Variants in BCAS3 observed in about 807,000 individuals in gnomAD.
BCAS3 encodes BCAS4/BCAS3 fusion.
In BCAS3, 53 loss-of-function variants were observed where a neutral mutation model predicts 116.1. The ratio of observed to expected loss-of-function variants is 0.46; its 90% CI spans 0.37 to 0.57. BCAS3 has a LOEUF of 0.57. Among genes scored for constraint, BCAS3 ranks in the 20% least tolerant of loss-of-function variants. The pLI is 0.00. For synonymous variants in BCAS3, 391 were observed against 408.2 expected, an observed-to-expected ratio of 0.96 and a Z score of 0.51; for missense variants, 917 against 1,165.4, an observed-to-expected ratio of 0.79 and a Z score of 3.10.
At chr17:61,260,277 A>G (rs2049089230) in intron 22 of BCAS3, among the ~76,000 whole-genome samples, 1 of 152,146 alleles carries the variant, frequency 6.6e-6, no homozygotes, top group African/African-American at 2.4e-5. Context: ...CCAATATGAA[A>G]ACAGTGGAGT....
Position 61,067,273 on chromosome 17 carries a change from GTATATATATATATATA to G in BCAS3, c.2030-7619_2030-7604del, listed in dbSNP as rs1199603635. On this transcript the variant is annotated intron_variant, in intron 19 of 23. Transcript: ENST00000407086. ...CATAACTTTATTTATGTGTGTATGT[GTATATATATATATATA>G]TATATATATATATATATATATATAT... Among the ~76,000 whole-genome samples, 44 of 58,804 alleles carry G rather than the reference GTATATATATATATATA, an allele frequency of 7.5e-4. 2 individuals carry two copies. The highest frequency in any genetic ancestry group is 2.1e-3 in the East Asian group (4 of 1,944). The allele number at this position is 58,804 out of a possible 152,430, so 38.6% of individuals were successfully genotyped here.
At chr17:61,375,246 G>GTGTGTGCGTGCGCGCACA (rs1555861730) in intron 23 of BCAS3, among the ~76,000 whole-genome samples, 2 of 150,666 alleles carry the variant, frequency 1.3e-5, no homozygotes, top group African/African-American at 5.0e-5. Flanking sequence ...GTGTGTGTGT[G>GTGTGTGCGTGCGCGCACA]TGTGTGTGTA....
intron 19 of BCAS3, among the ~76,000 whole-genome samples, chr17:61,071,418 T>C (rs900844029): frequency 4.6e-5 from 7 of 152,214 alleles, no homozygotes. Context: ...GTGAGTCTAC[T>C]CCTGTATAAT....
rs757247192 is a variant in BCAS3, at chr17:61,265,600, G to A, written c.2426-102727G>A. On this transcript the variant is annotated intron_variant, in intron 22 of 23. Transcript: ENST00000407086. This position sits in a 1 kb window ranked among gnomAD's most constrained non-coding sequence, Gnocchi z 4.3. ...TGGCTACAATTCATGTTGACTTTAC[G>A]TAAGGATTGCCAATTCATGCCCAAA... 6.6e-6 allele frequency among the ~76,000 whole-genome samples: 1 copy of A among 152,096 alleles called. No individual in the cohort carries two copies. Among genetic ancestry groups the A allele is most frequent in the East Asian group, 1.9e-4 (1 of 5,198 alleles).
chr17:60,778,937 T>G (rs1476404024), intron 6 of BCAS3, among the ~76,000 whole-genome samples: 2 of 152,222 alleles, frequency 1.3e-5, no homozygotes, highest in Non-Finnish European at 1.5e-5. Flanking sequence ...TAAAATTTCC[T>G]TGTGTCTGAA....
chr17:60,941,835 G>C (rs1001875943), intron 13 of BCAS3, among the ~76,000 whole-genome samples: 2 of 152,122 alleles, frequency 1.3e-5, no homozygotes, highest in Non-Finnish European at 2.9e-5. Context: ...TGGCAAATGA[G>C]GACCTTTATT....
At chr17:60,716,078 G>A (rs1370118089) in intron 5 of BCAS3, among the ~76,000 whole-genome samples, 2 of 151,078 alleles carry the variant, frequency 1.3e-5, no homozygotes, top group African/African-American at 2.4e-5. Context: ...GGTCAAGCTG[G>A]TCTCGAGCTC....
chr17:60,711,023 G>A (rs945630698), intron 5 of BCAS3, among the ~76,000 whole-genome samples: 23 of 151,396 alleles, frequency 1.5e-4, no homozygotes, highest in African/African-American at 5.3e-4. Context: ...GGCTGGTCTC[G>A]AACTCCTGGG....
intron 6 of BCAS3, among the ~76,000 whole-genome samples, chr17:60,777,335 C>T (rs2045397701): frequency 6.6e-6 from 1 of 152,010 alleles, no homozygotes; most frequent in Non-Finnish European, 1.5e-5. Context: ...ACAACAAACT[C>T]AAAACTTGGC....
At chr17:60,903,788 T>G (rs2058045979) in intron 11 of BCAS3, among the ~76,000 whole-genome samples, 1 of 152,170 alleles carries the variant, frequency 6.6e-6, no homozygotes, top group African/African-American at 2.4e-5. Flanking sequence ...ATAGAAAAAT[T>G]ATGATGGTTA....
At chr17:61,221,584 AGG>A (rs2082113787) in intron 22 of BCAS3, among the ~76,000 whole-genome samples, 1 of 152,196 alleles carries the variant, frequency 6.6e-6, no homozygotes, top group Non-Finnish European at 1.5e-5. Context: ...ATCCTTGGGA[AGG>A]CCCAAGTCTG....
At chr17:60,780,922 G>A (rs77788144) in intron 6 of BCAS3, among the ~76,000 whole-genome samples, 1,549 of 152,076 alleles carry the variant, frequency 0.01, 31 homozygotes, top group African/African-American at 0.036. Context: ...AAATTTTGAC[G>A]CTTTAAAGTA....
chr17:60,864,502 G>T (rs1044377259), intron 7 of BCAS3, among the ~76,000 whole-genome samples: 13 of 152,204 alleles, frequency 8.5e-5, no homozygotes, highest in Non-Finnish European at 1.9e-4. Context: ...CACTACAATG[G>T]GTAGTATTAG....
intron 6 of BCAS3, among the ~76,000 whole-genome samples, chr17:60,782,419 GAT>G (rs2045914451): frequency 6.6e-6 from 1 of 151,980 alleles, no homozygotes; most frequent in African/African-American, 2.4e-5. Flanking sequence ...TCAGAATGTA[GAT>G]TACAAACCAA....
chr17:61,321,483 G>C (rs764642073), intron 22 of BCAS3, among the ~76,000 whole-genome samples: 1 of 152,188 alleles, frequency 6.6e-6, no homozygotes, highest in Non-Finnish European at 1.5e-5. Context: ...ATGGTGAGTG[G>C]CTGATGACCT....
chr17:60,916,082 C>A (rs1448125696), intron 12 of BCAS3, among the ~76,000 whole-genome samples: 1 of 152,112 alleles, frequency 6.6e-6, no homozygotes, highest in African/African-American at 2.4e-5. Context: ...CTGTTTCTAG[C>A]ATTTTTCTAT....
rs1322761607 is a variant in BCAS3 at position 60,810,829 on chromosome 17, A to G, written c.476+2753A>G. 5 of 693,800 alleles carry G rather than the reference A, an allele frequency of 7.2e-6. No homozygotes were observed. The Admixed American group carries it at 9.0e-5, about 12-fold the overall frequency. 43.0% of individuals were successfully genotyped at this position (693,800 alleles called of 1,614,324 possible). A position where few individuals can be genotyped will look rare whatever the true frequency, so the allele number is the denominator to read the frequency against. ...GAAGAAAAACCTCGAAGAGGAAGTA[A>G]AAGTCCTACAAGCCCAGACTGCCAG... is the stretch of plus-strand genomic sequence containing the variant. On this transcript the variant is annotated intron_variant, in intron 7 of 23. Coordinates refer to ENST00000407086, the MANE Select transcript of BCAS3 (RefSeq NM_017679.5).
intron 20 of BCAS3, among the ~76,000 whole-genome samples, chr17:61,078,056 T>C (rs775658200): frequency 1.3e-5 from 2 of 152,200 alleles, no homozygotes; most frequent in Non-Finnish European, 2.9e-5. Flanking sequence ...GATTTTTGTC[T>C]TGTATATGTG....
chr17:61,299,088 G>C (rs1032995732), intron 22 of BCAS3, among the ~76,000 whole-genome samples: 1 of 151,850 alleles, frequency 6.6e-6, no homozygotes, highest in Non-Finnish European at 1.5e-5. Context: ...CTCCCAAAGT[G>C]CTGGGATTAC....
Sources: allele counts gnomAD v4.1 joint callset (sites outside exome capture counted in the v4.1 genomes callset), GRCh38; gene constraint gnomAD v4.1.1; non-coding constraint Gnocchi (gnomAD v3.1); transcripts MANE v1.5; gene names NCBI Gene and HGNC (gene_info 2026-07-23, HGNC 2026-07-21).